Variants in PI15 observed in about 807,000 individuals in gnomAD.
The protein encoded by PI15 is 25 kDa trypsin inhibitor.
PI15 carries 18 observed loss-of-function variants against 31.0 expected under a neutral mutation model. The ratio of observed to expected loss-of-function variants is 0.58; its 90% CI spans 0.40 to 0.86. PI15 has a LOEUF of 0.86. Ranked by LOEUF, PI15 falls within the 40% of genes least tolerant of loss-of-function variation. The probability of loss-of-function intolerance (pLI) is 0.00; values close to 1 mark genes in which losing one functional copy is unlikely to be tolerated. For synonymous variants in PI15, 118 were observed against 119.1 expected (o/e 0.99, Z 0.06); for missense variants, 282 against 328.1 (o/e 0.86, Z 1.09).
In PI15 at chr8:74,851,663, C is replaced by T. The variant is rs1402517055; in HGVS notation, c.*2410C>T. The T allele has an allele frequency of 6.6e-6, 1 of 151,946 alleles. No individual in the cohort carries two copies. The highest frequency in any genetic ancestry group is 1.5e-5 in the Non-Finnish European group (1 of 67,930). 9.4% of individuals were successfully genotyped at this position (151,946 alleles called of 1,614,324 possible). ...TAACATAATAAATGTTTAATAAATG[C>T]TTATATGAATGGATTTTTAGAATTA... is the stretch of plus-strand genomic sequence containing the variant. On this transcript the variant is annotated 3_prime_UTR_variant, in exon 6 of 6. Transcript: ENST00000260113.
At chr8:74,842,015 T>G (rs1810952651) in intron 2 of PI15, among the ~76,000 whole-genome samples, 1 of 150,352 alleles carries the variant, frequency 6.7e-6, no homozygotes, top group Admixed American at 6.6e-5. Context: ...GAGTTTATCT[T>G]TTTTTTTCTT....
intron 2 of PI15, among the ~76,000 whole-genome samples, chr8:74,830,403 G>A (rs1247634668): frequency 1.3e-5 from 2 of 152,026 alleles, no homozygotes; most frequent in Non-Finnish European, 2.9e-5. Context: ...ACAGATATAA[G>A]GTTTCCTATC....
rs1362654506 is a variant in PI15 at position 74,853,967 on chromosome 8, TTTTA to T, written c.*4719_*4722del. ...CTCACTTTCAGAAGTGATCATTTAT[TTTTA>T]TTTAGCACAGGTCATAAGAAAAATA... On this transcript the variant is annotated 3_prime_UTR_variant, in exon 6 of 6. Coordinates refer to ENST00000260113, the MANE Select transcript of PI15 (RefSeq NM_015886.5). The T allele has an allele frequency of 5.9e-5, 9 of 152,142 alleles. No homozygotes were observed. Among genetic ancestry groups the T allele is most frequent in the African/African-American group, 1.9e-4 (8 of 41,560 alleles). 9.4% of individuals were successfully genotyped at this position (152,142 alleles called of 1,614,324 possible).
At position 74,831,977 on chromosome 8, in the gene PI15, C is replaced by T. The variant is rs115593470; in HGVS notation, c.273+6455C>T. 9.6e-3 allele frequency among the ~76,000 whole-genome samples: 1,454 copies of T among 151,966 alleles called. 22 individuals are homozygous for T. The highest frequency in any genetic ancestry group is 0.033 in the African/African-American group (1,358 of 41,462). ...ATTTGTTCGAATTTCATTTTAAGATCCAGGGTAATCATTGAAGGTTTCAAG... is the reference window on the plus strand; with the variant it reads ...ATTTGTTCGAATTTCATTTTAAGATTCAGGGTAATCATTGAAGGTTTCAAG... On this transcript the variant is annotated intron_variant, in intron 2 of 5. Transcript: ENST00000260113.
intron 2 of PI15, among the ~76,000 whole-genome samples, chr8:74,828,164 T>C (rs1810726754): frequency 6.6e-6 from 1 of 152,074 alleles, no homozygotes; most frequent in Non-Finnish European, 1.5e-5. Context: ...GGATGTAAGA[T>C]GATAAGGTTA....
At position 74,845,163 on chromosome 8, in the gene PI15, A is replaced by T; in HGVS notation, c.428A>T (p.Tyr143Phe). ...RSILQLVKPWYDEVKDYAFPY... is the reference protein window; with the variant it reads ...RSILQLVKPWFDEVKDYAFPY... Reference sequence around the variant, plus strand: ...ATTCTCCAGTTGGTCAAGCCATGGTATGATGAAGTGAAAGATTATGCTTTT... The same window carrying T: ...ATTCTCCAGTTGGTCAAGCCATGGTTTGATGAAGTGAAAGATTATGCTTTT... The change falls in exon 4 of 6, where the codon TAT becomes TTT. Residue 143 changes from tyrosine (Y) to phenylalanine (F), a missense_variant. Transcript: ENST00000260113. The T allele has an allele frequency of 1.2e-6, 2 of 1,612,666 alleles. No homozygotes were observed. Among genetic ancestry groups the T allele is most frequent in the Non-Finnish European group, 1.7e-6 (2 of 1,178,644 alleles).
In PI15 at chr8:74,843,973, C is replaced by G; in HGVS notation, c.274-8C>G. On this transcript the variant is annotated splice_region_variant and splice_polypyrimidine_tract_variant and intron_variant, in intron 2 of 5. Transcript: ENST00000260113. ...TTCCGTAACGCTGAAGATTTTTTTC[C>G]CCTACAGGTTTGGGATGAAAATCTT... The G allele has an allele frequency of 7.2e-7, 1 of 1,393,064 alleles. No homozygotes were observed. The highest frequency in any genetic ancestry group is 1.0e-6 in the Non-Finnish European group (1 of 978,546). 86.3% of individuals were successfully genotyped at this position (1,393,064 alleles called of 1,614,324 possible).
chr8:74,836,852 C>T (rs1428185251), intron 2 of PI15, among the ~76,000 whole-genome samples: 1 of 151,938 alleles, frequency 6.6e-6, no homozygotes, highest in Non-Finnish European at 1.5e-5. Context: ...CTGGGGTGGG[C>T]TCAAGAGAGA....
At chr8:74,844,591 C>T (rs1340203821) in intron 3 of PI15, among the ~76,000 whole-genome samples, 1 of 152,054 alleles carries the variant, frequency 6.6e-6, no homozygotes, top group African/African-American at 2.4e-5. Flanking sequence ...GTATATGCAG[C>T]TATGGGAAAA....
chr8:74,831,866 G>A (rs1221959376), intron 2 of PI15, among the ~76,000 whole-genome samples: 3 of 152,012 alleles, frequency 2.0e-5, no homozygotes, highest in African/African-American at 4.8e-5. Context: ...TAGTACACTC[G>A]AGACATGGAT....
chr8:74,829,881 C>G (rs927098635), intron 2 of PI15, among the ~76,000 whole-genome samples: 13 of 152,020 alleles, frequency 8.6e-5, no homozygotes, highest in African/African-American at 2.9e-4. Flanking sequence ...CAAAGCAATG[C>G]ATGAACAAAA....
rs1459793194 is a variant in PI15, at chr8:74,851,826, T to A, written c.*2573T>A. 1 of 152,070 alleles carries A rather than the reference T, an allele frequency of 6.6e-6. No individual in the cohort carries two copies. The highest frequency in any genetic ancestry group is 2.4e-5 in the African/African-American group (1 of 41,452). The allele number at this position is 152,070 out of a possible 1,614,324, so 9.4% of individuals were successfully genotyped here. On this transcript the variant is annotated 3_prime_UTR_variant, in exon 6 of 6. Transcript: ENST00000260113. Reference sequence around the variant, plus strand: ...AAATATATCAGATTAAGACCAGGGTTTACACACTTAGGCAATAGTCCTTTC... The same window carrying A: ...AAATATATCAGATTAAGACCAGGGTATACACACTTAGGCAATAGTCCTTTC...
intron 2 of PI15, among the ~76,000 whole-genome samples, chr8:74,842,107 T>C (rs1810954348): frequency 6.6e-6 from 1 of 152,170 alleles, no homozygotes; most frequent in Non-Finnish European, 1.5e-5. Context: ...TCCATTATCC[T>C]TGAGGGAAAT....
intron 3 of PI15, 138 bp from the exon 4 acceptor site, chr8:74,844,990 T>G: frequency 1.4e-6 from 1 of 708,982 alleles, no homozygotes; most frequent in Non-Finnish European, 2.4e-6. Flanking sequence ...TAGGTGGTGA[T>G]GGTGATTGTG....
intron 2 of PI15, among the ~76,000 whole-genome samples, chr8:74,838,085 G>C (rs1810895327): frequency 1.3e-5 from 2 of 151,766 alleles, no homozygotes. Context: ...AGGTTTAATA[G>C]ATTTGATTTT....
intron 2 of PI15, among the ~76,000 whole-genome samples, chr8:74,827,841 G>A (rs565069379): frequency 6.6e-6 from 1 of 151,904 alleles, no homozygotes; most frequent in South Asian, 2.1e-4. Context: ...GATTTATTTT[G>A]TAAGAACTAG....
chr8:74,833,606 C>CAAT (rs1170954842), intron 2 of PI15, among the ~76,000 whole-genome samples: 1 of 152,088 alleles, frequency 6.6e-6, no homozygotes, highest in Non-Finnish European at 1.5e-5. Flanking sequence ...AAATCTCCAA[C>CAAT]AATAATAATA....
At chr8:74,828,652 T>C (rs927737469) in intron 2 of PI15, among the ~76,000 whole-genome samples, 5 of 152,062 alleles carry the variant, frequency 3.3e-5, no homozygotes, top group Non-Finnish European at 7.4e-5. Flanking sequence ...CCTCAGAAAC[T>C]TAGGACACCC....
intron 2 of PI15, among the ~76,000 whole-genome samples, chr8:74,838,046 G>A (rs2128764912): frequency 6.6e-6 from 1 of 151,900 alleles, no homozygotes; most frequent in East Asian, 1.9e-4. Flanking sequence ...GTTACCACTT[G>A]CAAATTAAAT....
Sources: allele counts gnomAD v4.1 joint callset (sites outside exome capture counted in the v4.1 genomes callset), GRCh38; gene constraint gnomAD v4.1.1; transcripts MANE v1.5; gene names NCBI Gene and HGNC (gene_info 2026-07-23, HGNC 2026-07-21).